The following SNX7 variants were observed in gnomAD, a reference collection of about 807,000 sequenced individuals.
SNX7 encodes the protein sorting nexin 7.
A neutral mutation model predicts 48.4 loss-of-function variants in SNX7; 35 were observed. The observed-to-expected ratio is 0.72, with a 90% CI of 0.55 to 0.96. The LOEUF (loss-of-function observed/expected upper bound fraction) is 0.96, where lower values mean the gene tolerates loss of function less well. Ranked by LOEUF, SNX7 falls within the 40% of genes least tolerant of loss-of-function variation. SNX7 has a pLI of 0.00. For synonymous variants in SNX7, 190 were observed against 190.2 expected (o/e 1.00, Z 0.01); for missense variants, 553 against 548.9 (o/e 1.01, Z -0.07).
chr1:98,714,572 A>G (rs1218329579), intron 7 of SNX7, among the ~76,000 whole-genome samples: 1 of 152,238 alleles, frequency 6.6e-6, no homozygotes, highest in Non-Finnish European at 1.5e-5. Flanking sequence ...GGAAGTATCT[A>G]GAGTGATCAG....
chr1:98,740,496 G>A (rs1161413353), intron 8 of SNX7, among the ~76,000 whole-genome samples: 1 of 151,986 alleles, frequency 6.6e-6, no homozygotes, highest in Non-Finnish European at 1.5e-5. Flanking sequence ...AAAATCACAT[G>A]ACAAATGCAC....
intron 1 of SNX7, among the ~76,000 whole-genome samples, chr1:98,673,138 C>A (rs945226536): frequency 1.3e-5 from 2 of 152,114 alleles, no homozygotes; most frequent in Non-Finnish European, 2.9e-5. Flanking sequence ...GAGTGCTCCT[C>A]CCTTTTTAAA....
chr1:98,701,341 T>G (rs1428502915), intron 6 of SNX7, among the ~76,000 whole-genome samples: 1 of 152,160 alleles, frequency 6.6e-6, no homozygotes, highest in Non-Finnish European at 1.5e-5. Flanking sequence ...TTTTCTGATT[T>G]CCTACCATAA....
chr1:98,689,278 A>G (rs1198637759), intron 2 of SNX7, among the ~76,000 whole-genome samples: 1 of 152,144 alleles, frequency 6.6e-6, no homozygotes, highest in Non-Finnish European at 1.5e-5. Flanking sequence ...TCTTGTTCCA[A>G]ACCCTGCTGA....
Position 98,684,986 on chromosome 1 carries a change from G to T in SNX7, c.282G>T (p.Lys94Asn), listed in dbSNP as rs751713600. 6.3e-7 allele frequency: 1 copy of T among 1,597,778 alleles called. No homozygotes were observed. Among genetic ancestry groups the T allele is most frequent in the South Asian group, 1.2e-5 (1 of 86,758 alleles). ...QIKFEDEPDLKDLFITVDEPE... is the reference protein window; with the variant it reads ...QIKFEDEPDLNDLFITVDEPE... ...AGTTTGAGGATGAACCAGATTTAAA[G>T]GATCTCTTCATCACAGTTGATGAAC... is the stretch of plus-strand genomic sequence containing the variant. The change falls in exon 2 of 9, where the codon AAG (lysine) becomes AAT (asparagine). Residue 94 changes from lysine to asparagine, a missense_variant. Physicochemically the swap from Lys to Asn is moderately conservative, Grantham distance 94. Coordinates refer to ENST00000306121, the MANE Select transcript of SNX7 (RefSeq NM_015976.5).
intron 6 of SNX7, among the ~76,000 whole-genome samples, 173 bp from the exon 7 acceptor site, chr1:98,701,644 G>A (rs960514318): frequency 8.6e-5 from 11 of 127,196 alleles, no homozygotes; most frequent in African/African-American, 3.1e-4. Flanking sequence ...TTTCAATTTA[G>A]TTTTTAGAGA....
intron 7 of SNX7, among the ~76,000 whole-genome samples, chr1:98,714,352 G>T (rs570770421): frequency 2.6e-4 from 40 of 152,160 alleles, no homozygotes; most frequent in African/African-American, 8.9e-4. Flanking sequence ...CCATTTTTGT[G>T]GACGGGAAAA....
chr1:98,691,834 G>T, intron 4 of SNX7, 135 bp downstream of exon 4: 1 of 627,520 alleles, frequency 1.6e-6, no homozygotes, highest in African/African-American at 1.9e-5. Context: ...CAGAAACACT[G>T]GAGAGTTATC....
chr1:98,665,294 G>A (rs1005003365), intron 1 of SNX7, among the ~76,000 whole-genome samples: 9 of 152,064 alleles, frequency 5.9e-5, no homozygotes, highest in African/African-American at 2.2e-4. Context: ...ATGCAATAAT[G>A]GTTCCCTGAA....
At chr1:98,695,960 T>A (rs1651433520) in intron 5 of SNX7, among the ~76,000 whole-genome samples, 1 of 152,170 alleles carries the variant, frequency 6.6e-6, no homozygotes, top group African/African-American at 2.4e-5. Flanking sequence ...AGTGGTAAAG[T>A]AAGCCCGAGT....
rs534282352 is a variant in SNX7 at position 98,695,987 on chromosome 1, G to T, written c.838+271G>T. Among the ~76,000 whole-genome samples, 22 of 152,228 alleles carry T rather than the reference G, an allele frequency of 1.4e-4. No individual in the cohort carries two copies. The East Asian group carries it at 4.1e-3, about 28-fold the overall frequency. On this transcript the variant is annotated intron_variant, in intron 5 of 8. Coordinates refer to ENST00000306121, the MANE Select transcript of SNX7 (RefSeq NM_015976.5). ...AGCCCGAGTTAAAGATTGTGGATGT[G>T]GTTGTTTGTATTCAACATGGAACAG... is the stretch of plus-strand genomic sequence containing the variant.
chr1:98,727,490 C>G (rs1416763227), intron 7 of SNX7, among the ~76,000 whole-genome samples: 1 of 152,108 alleles, frequency 6.6e-6, no homozygotes, highest in Non-Finnish European at 1.5e-5. Flanking sequence ...CACAGCACCT[C>G]TCCAGCAAGG....
intron 7 of SNX7, among the ~76,000 whole-genome samples, chr1:98,718,763 A>G (rs1208081041): frequency 6.6e-6 from 1 of 152,148 alleles, no homozygotes; most frequent in East Asian, 1.9e-4. Flanking sequence ...TGCATATGCA[A>G]TAAATACCAA....
At chr1:98,685,624 A>G (rs1650751213) in intron 2 of SNX7, among the ~76,000 whole-genome samples, 1 of 152,136 alleles carries the variant, frequency 6.6e-6, no homozygotes, top group Admixed American at 6.5e-5. Flanking sequence ...TTAAGCAACC[A>G]CCTAGTATAA....
chr1:98,694,369 C>CAA (rs775800995), intron 4 of SNX7, among the ~76,000 whole-genome samples: 82 of 53,770 alleles, frequency 1.5e-3, no homozygotes, highest in African/African-American at 4.1e-3. Context: ...GACTCCGTCT[C>CAA]AAAAAAAAAA....
intron 1 of SNX7, among the ~76,000 whole-genome samples, chr1:98,663,879 T>A (rs1649402286): frequency 6.6e-6 from 1 of 152,200 alleles, no homozygotes; most frequent in African/African-American, 2.4e-5. Flanking sequence ...ACTGCCCACA[T>A]AGATTAAGGC....
chr1:98,750,368 A>G (rs1400158382), intron 8 of SNX7, among the ~76,000 whole-genome samples: 1 of 151,922 alleles, frequency 6.6e-6, no homozygotes, highest in African/African-American at 2.4e-5. Flanking sequence ...GACCTTGAGG[A>G]CTTTTTTTAT....
intron 3 of SNX7, 123 bp from the exon 4 acceptor site, chr1:98,691,412 A>G: frequency 1.1e-6 from 1 of 915,866 alleles, no homozygotes; most frequent in South Asian, 2.8e-5. Context: ...TGAATTTTTA[A>G]AAATTATTTT....
chr1:98,694,669 A>G (rs1028564457), intron 4 of SNX7, among the ~76,000 whole-genome samples: 1 of 120,006 alleles, frequency 8.3e-6, no homozygotes, highest in Non-Finnish European at 1.6e-5. Flanking sequence ...GTGCAGTGGC[A>G]TGATCTCGGC....
Sources: gnomAD v4.1 joint callset for allele counts (sites outside exome capture counted in the v4.1 genomes callset) on GRCh38, gnomAD v4.1.1 for gene constraint, MANE v1.5 for transcripts, NCBI Gene and HGNC (gene_info 2026-07-23, HGNC 2026-07-21) for gene names.